FSAF1: variants seen among roughly 807,000 people sequenced by gnomAD.
FSAF1 encodes 40S small subunit processome assembly factor 1.
At chr1:231,233,330 C>T in the FSAF1 span, among the ~76,000 whole-genome samples, 1 of 152,288 alleles carries the variant, frequency 6.6e-6, no homozygotes, top group East Asian at 1.9e-4. Context: ...GGGGTCTGAA[C>T]CCAACCTTTG....
chr1:231,231,371 T>C, the FSAF1 span, among the ~76,000 whole-genome samples: 3 of 152,336 alleles, frequency 2.0e-5, no homozygotes, highest in East Asian at 3.9e-4. Flanking sequence ...AACAAAACCC[T>C]GTATACCGTT....
the FSAF1 span, chr1:231,229,163 A>T: frequency 6.3e-7 from 1 of 1,575,418 alleles, no homozygotes. Flanking sequence ...TTCTAGGTTA[A>T]ATTCTTGTGT....
the FSAF1 span, among the ~76,000 whole-genome samples, chr1:231,230,255 T>TA: frequency 1.3e-5 from 2 of 152,104 alleles, no homozygotes; most frequent in African/African-American, 2.4e-5. Context: ...CAGAAAATTC[T>TA]GCTTGCTGGG....
chr1:231,229,173 T>C, the FSAF1 span: 393 of 1,582,116 alleles, frequency 2.5e-4, 1 homozygote, highest in African/African-American at 4.2e-3. Flanking sequence ...AATTCTTGTG[T>C]ATCCACATCT....
chr1:231,240,032 T>C, the FSAF1 span, among the ~76,000 whole-genome samples: 1 of 152,216 alleles, frequency 6.6e-6, no homozygotes, highest in Non-Finnish European at 1.5e-5. The surrounding 1 kb of genome is among the most constrained non-coding windows in gnomAD (Gnocchi z 4.1). Context: ...ACAGAAATGC[T>C]AGTTAATACA....
At chr1:231,224,755 C>G in the FSAF1 span, 8 of 273,964 alleles carry the variant, frequency 2.9e-5, no homozygotes, top group Admixed American at 4.8e-5. Context: ...CTCTTTCAGC[C>G]TCTCTACAAT....
chr1:231,229,086 A>G, the FSAF1 span: 6 of 957,290 alleles, frequency 6.3e-6, no homozygotes, highest in South Asian at 1.8e-5. Flanking sequence ...ATAAACATAC[A>G]TTTATAAACA....
the FSAF1 span, among the ~76,000 whole-genome samples, chr1:231,235,138 T>C: frequency 6.6e-6 from 1 of 152,228 alleles, no homozygotes; most frequent in African/African-American, 2.4e-5. Context: ...ATTGGTGGAA[T>C]AAATGGAGGA....
the FSAF1 span, chr1:231,224,302 T>G: frequency 6.2e-7 from 1 of 1,611,400 alleles, no homozygotes; most frequent in South Asian, 1.1e-5. Flanking sequence ...CTGGAAGAAT[T>G]TATTTTCTTG....
chr1:231,228,820 C>G, the FSAF1 span, among the ~76,000 whole-genome samples: 1 of 152,058 alleles, frequency 6.6e-6, no homozygotes, highest in Non-Finnish European at 1.5e-5. Flanking sequence ...AACCCCATCT[C>G]TACTAAAAAT....
At chr1:231,238,773 C>T in the FSAF1 span, 1 of 1,332,954 alleles carries the variant, frequency 7.5e-7, no homozygotes, top group Admixed American at 2.3e-5. Flanking sequence ...GTCAGGCATT[C>T]CTGCCACAGT....
the FSAF1 span, among the ~76,000 whole-genome samples, chr1:231,240,245 T>G: frequency 1.3e-5 from 2 of 152,218 alleles, no homozygotes; most frequent in African/African-American, 4.8e-5. This position sits in a 1 kb window ranked among gnomAD's most constrained non-coding sequence, Gnocchi z 4.1. Context: ...CTCAACAGTT[T>G]TAACTATTAT....
At chr1:231,226,019 A>C in the FSAF1 span, 6 of 153,058 alleles carry the variant, frequency 3.9e-5, no homozygotes, top group African/African-American at 1.2e-4. Context: ...AAAAAAAAAA[A>C]AAAAAACCTA....
the FSAF1 span, chr1:231,239,282 G>A: frequency 9.5e-7 from 1 of 1,054,538 alleles, no homozygotes; most frequent in Non-Finnish European, 1.3e-6. Flanking sequence ...ATATTCCAGG[G>A]CTATATGCAC....
chr1:231,238,392 CA>C, the FSAF1 span: 2 of 155,812 alleles, frequency 1.3e-5, no homozygotes, highest in African/African-American at 4.8e-5. Flanking sequence ...GTGGCTAGCA[CA>C]TAACAGGAAT....
At chr1:231,240,924 C>T in the FSAF1 span, 2 of 1,045,164 alleles carry the variant, frequency 1.9e-6, no homozygotes, top group Non-Finnish European at 3.0e-6. This position sits in a 1 kb window ranked among gnomAD's most constrained non-coding sequence, Gnocchi z 4.1. Context: ...ATGCAAGAAC[C>T]TTTAGCCTCA....
the FSAF1 span, chr1:231,238,881 C>T: frequency 3.1e-5 from 50 of 1,613,150 alleles, no homozygotes; most frequent in East Asian, 4.5e-5. Flanking sequence ...TATGATCTGG[C>T]GTCAATTTTC....
chr1:231,233,645 C>T, the FSAF1 span, among the ~76,000 whole-genome samples: 1 of 152,092 alleles, frequency 6.6e-6, no homozygotes, highest in African/African-American at 2.4e-5. Context: ...CTCCGCCTAC[C>T]GGGTTCAAGC....
the FSAF1 span, chr1:231,226,812 C>T: frequency 6.2e-7 from 1 of 1,607,752 alleles, no homozygotes; most frequent in East Asian, 2.2e-5. Flanking sequence ...ATTCACATAA[C>T]TCTTTTTAGG....
Sources: gnomAD v4.1 joint callset for allele counts (sites outside exome capture counted in the v4.1 genomes callset) on GRCh38, gnomAD v4.1.1 for gene constraint, Gnocchi (gnomAD v3.1) non-coding constraint, MANE v1.5 for transcripts, NCBI Gene and HGNC (gene_info 2026-07-23, HGNC 2026-07-21) for gene names.